CNTNAP5: variants seen among roughly 807,000 people sequenced by gnomAD.
CNTNAP5 encodes contactin associated protein family member 5.
Under a neutral mutation model 150.2 loss-of-function variants are expected in CNTNAP5, and 72 were observed. The observed-to-expected ratio is 0.48, with a 90% confidence interval of 0.40 to 0.58. The LOEUF (loss-of-function observed/expected upper bound fraction) is 0.58. CNTNAP5 is among the 20% of genes least tolerant of loss of function. CNTNAP5 has a pLI of 0.00. For synonymous variants in CNTNAP5, 672 were observed against 619.8 expected, an observed-to-expected ratio of 1.08 and a Z score of -1.25; for missense variants, 1,636 against 1,626.2, an observed-to-expected ratio of 1.01 and a Z score of -0.10.
In CNTNAP5 at chr2:124,772,785, C is replaced by A; in HGVS notation, c.2534-14C>A. ...AACTCCCTCTATCCTTCCTGTTTTCCTTTCCGGTTTCAGCTCCTTCAGAGA... is the reference window on the plus strand; with the variant it reads ...AACTCCCTCTATCCTTCCTGTTTTCATTTCCGGTTTCAGCTCCTTCAGAGA... On this transcript the variant is annotated splice_polypyrimidine_tract_variant and intron_variant, in intron 16 of 23. Coordinates refer to ENST00000682447, the MANE Select transcript of CNTNAP5 (RefSeq NM_001367498.1). The A allele has an allele frequency of 6.2e-7, 1 of 1,611,062 alleles. No homozygotes were observed. Among genetic ancestry groups the A allele is most frequent in the South Asian group, 1.1e-5 (1 of 91,022 alleles).
At chr2:124,510,301 C>CTATCTATATATATCTATATATCTA (rs1694536672) in intron 8 of CNTNAP5, among the ~76,000 whole-genome samples, 1 of 106,056 alleles carries the variant, frequency 9.4e-6, no homozygotes, top group Non-Finnish European at 1.8e-5. Flanking sequence ...ATCTATATAT[C>CTATCTATATATATCTATATATCTA]TATATATATA....
intron 3 of CNTNAP5, among the ~76,000 whole-genome samples, chr2:124,325,915 G>A (rs2104674097): frequency 6.6e-6 from 1 of 152,310 alleles, no homozygotes; most frequent in East Asian, 1.9e-4. Flanking sequence ...TCTAAAATGA[G>A]TGAGATGGCT....
chr2:124,640,352 G>C (rs61619187), intron 12 of CNTNAP5, among the ~76,000 whole-genome samples: 1 of 152,138 alleles, frequency 6.6e-6, no homozygotes, highest in South Asian at 2.1e-4. Context: ...TCTGGAAGTC[G>C]TAAAGTGTGG....
chr2:124,845,088 C>T (rs1382288744), intron 19 of CNTNAP5, among the ~76,000 whole-genome samples: 2 of 152,020 alleles, frequency 1.3e-5, no homozygotes, highest in African/African-American at 4.8e-5. Context: ...AATTTTTCCT[C>T]ATTCATTATA....
At chr2:124,874,851 T>A (rs545146979) in intron 21 of CNTNAP5, among the ~76,000 whole-genome samples, 3 of 152,152 alleles carry the variant, frequency 2.0e-5, no homozygotes, top group Admixed American at 6.6e-5. Flanking sequence ...CAACGTTTGT[T>A]AATCTCCTAC....
At chr2:124,035,024 TCC>T (rs1681175083) in intron 1 of CNTNAP5, among the ~76,000 whole-genome samples, 2 of 47,248 alleles carry the variant, frequency 4.2e-5, no homozygotes, top group African/African-American at 7.9e-5. Flanking sequence ...CTCCCTCCCT[TCC>T]TTCCTTCCTT....
chr2:124,210,372 T>TC (rs1319360794), intron 1 of CNTNAP5, among the ~76,000 whole-genome samples: 2 of 152,196 alleles, frequency 1.3e-5, no homozygotes, highest in Non-Finnish European at 1.5e-5. Flanking sequence ...TTTGTGAGCT[T>TC]CCCAGTTCTT....
chr2:124,686,023 G>T (rs1358671433), intron 13 of CNTNAP5, among the ~76,000 whole-genome samples: 3 of 151,986 alleles, frequency 2.0e-5, no homozygotes, highest in African/African-American at 7.3e-5. Flanking sequence ...TAGAATGTTG[G>T]ACATAGAATT....
chr2:124,859,109 G>C (rs936384912), intron 19 of CNTNAP5, among the ~76,000 whole-genome samples: 1 of 151,966 alleles, frequency 6.6e-6, no homozygotes, highest in East Asian at 1.9e-4. Context: ...ACTACCATCA[G>C]AGTGAACAGG....
intron 3 of CNTNAP5, among the ~76,000 whole-genome samples, chr2:124,362,337 A>T (rs948757036): frequency 4.6e-5 from 7 of 152,284 alleles, no homozygotes; most frequent in Middle Eastern, 3.4e-3. Context: ...CTCCTCCCAG[A>T]ATCTCAACAT....
intron 5 of CNTNAP5, among the ~76,000 whole-genome samples, chr2:124,444,112 C>T (rs886548812): frequency 1.3e-5 from 2 of 151,824 alleles, no homozygotes; most frequent in Non-Finnish European, 2.9e-5. Context: ...TGGTGGTGTT[C>T]TTTGTTCTAT....
chr2:124,327,841 G>A (rs1164766620), intron 3 of CNTNAP5, among the ~76,000 whole-genome samples: 1 of 152,048 alleles, frequency 6.6e-6, no homozygotes, highest in Non-Finnish European at 1.5e-5. Context: ...AACCACTTGG[G>A]CCCATGTCTT....
intron 1 of CNTNAP5, among the ~76,000 whole-genome samples, chr2:124,068,342 G>A (rs1431057397): frequency 1.3e-5 from 2 of 152,116 alleles, no homozygotes; most frequent in Non-Finnish European, 2.9e-5. Context: ...CCTTGTCATA[G>A]CAAAGAGCAA....
intron 1 of CNTNAP5, among the ~76,000 whole-genome samples, chr2:124,145,827 A>AAAAAAAAAAAAAAAAAAAAAAAAAG (rs1684232458): frequency 3.7e-4 from 1 of 2,724 alleles, no homozygotes; most frequent in Non-Finnish European, 1.4e-3. Flanking sequence ...AAAAAAAAAA[A>AAAAAAAAAAAAAAAAAAAAAAAAAG]AGAAGAAAAA....
intron 1 of CNTNAP5, among the ~76,000 whole-genome samples, chr2:124,206,592 G>A (rs1448641480): frequency 6.6e-6 from 1 of 152,196 alleles, no homozygotes; most frequent in African/African-American, 2.4e-5. Context: ...GAAGTAGTAA[G>A]ATGAGGGATA....
chr2:124,787,260 A>G (rs1681619104), intron 17 of CNTNAP5, among the ~76,000 whole-genome samples: 1 of 152,218 alleles, frequency 6.6e-6, no homozygotes, highest in Non-Finnish European at 1.5e-5. Context: ...CAAACAAAAC[A>G]TTTGACTACA....
intron 13 of CNTNAP5, among the ~76,000 whole-genome samples, chr2:124,727,095 C>A (rs1319020533): frequency 4.6e-5 from 7 of 152,170 alleles, no homozygotes; most frequent in East Asian, 1.9e-4. Flanking sequence ...AAAAGACTGA[C>A]CTTTCACCAT....
intron 1 of CNTNAP5, among the ~76,000 whole-genome samples, chr2:124,081,247 C>T (rs1478696417): frequency 2.0e-5 from 3 of 151,850 alleles, no homozygotes; most frequent in African/African-American, 7.3e-5. Flanking sequence ...CGTCTAAAAT[C>T]ATCTATTAGA....
rs1558730614 is a variant in CNTNAP5, at chr2:124,674,501, CTTTCTTTCT to C, written c.2077+26544_2077+26552del. ...CCCTCTCTCCCTCTCTACTTCCTTT[CTTTCTTTCT>C]CTTTCTTTCTTTCTTTCTTTCTTTC... On this transcript the variant is annotated intron_variant, in intron 13 of 23. Coordinates refer to ENST00000682447, the MANE Select transcript of CNTNAP5 (RefSeq NM_001367498.1). Among the ~76,000 whole-genome samples, 279 of 89,976 alleles carry C rather than the reference CTTTCTTTCT, an allele frequency of 3.1e-3. 2 individuals are homozygous for C. The highest frequency in any genetic ancestry group is 9.4e-3 in the African/African-American group (276 of 29,210). 59.0% of individuals were successfully genotyped at this position (89,976 alleles called of 152,430 possible). A position where few individuals can be genotyped will look rare whatever the true frequency, so the allele number is the denominator to read the frequency against.
Sources: allele counts gnomAD v4.1 joint callset (sites outside exome capture counted in the v4.1 genomes callset), GRCh38; gene constraint gnomAD v4.1.1; transcripts MANE v1.5; gene names NCBI Gene and HGNC (gene_info 2026-07-23, HGNC 2026-07-21).